SORCS3: variants seen among roughly 807,000 people sequenced by gnomAD.
The protein encoded by SORCS3 is sortilin related VPS10 domain containing receptor 3.
In SORCS3, 57 loss-of-function variants were observed where a neutral mutation model predicts 146.3. The ratio of observed to expected loss-of-function variants is 0.39; its 90% CI spans 0.31 to 0.49. SORCS3 has a LOEUF of 0.49. SORCS3 is among the 20% of genes least tolerant of loss of function. The probability of loss-of-function intolerance (pLI) is 0.92; values close to 1 mark genes in which losing one functional copy is unlikely to be tolerated. For missense variants in SORCS3, 1,341 were observed against 1,575.5 expected, an observed-to-expected ratio of 0.85 and a Z score of 2.52; for synonymous variants, 653 against 618.5, an observed-to-expected ratio of 1.06 and a Z score of -0.83.
At chr10:104,716,717 T>G (rs2016483882) in intron 1 of SORCS3, among the ~76,000 whole-genome samples, 1 of 152,184 alleles carries the variant, frequency 6.6e-6, no homozygotes, top group Non-Finnish European at 1.5e-5. Context: ...ACCTTTAAGA[T>G]CTGGTTGTCT....
chr10:104,960,161 C>G (rs1354405939), intron 3 of SORCS3, among the ~76,000 whole-genome samples: 1 of 152,116 alleles, frequency 6.6e-6, no homozygotes, highest in Non-Finnish European at 1.5e-5. Flanking sequence ...ATGTTGTTAC[C>G]AATGCTGATG....
intron 2 of SORCS3, among the ~76,000 whole-genome samples, chr10:104,870,078 CATT>C (rs1363589711): frequency 5.3e-5 from 8 of 152,264 alleles, no homozygotes; most frequent in Non-Finnish European, 1.2e-4. Flanking sequence ...CTATTGCTGT[CATT>C]ATCATTATTT....
At chr10:104,942,304 A>G (rs1042708670) in intron 3 of SORCS3, among the ~76,000 whole-genome samples, 2 of 152,214 alleles carry the variant, frequency 1.3e-5, no homozygotes, top group African/African-American at 4.8e-5. Flanking sequence ...AGATGAAAGG[A>G]ATCGTAATTA....
intron 1 of SORCS3, among the ~76,000 whole-genome samples, chr10:104,780,968 CAG>C (rs1167527221): frequency 1.3e-5 from 2 of 152,142 alleles, no homozygotes; most frequent in African/African-American, 2.4e-5. Context: ...TCTCTAATAT[CAG>C]AGAGTCATAT....
chr10:104,691,524 C>G (rs2016111819), intron 1 of SORCS3, among the ~76,000 whole-genome samples: 1 of 152,206 alleles, frequency 6.6e-6, no homozygotes, highest in Non-Finnish European at 1.5e-5. Context: ...CCTGTCTTGT[C>G]TGGACCATTT....
chr10:104,664,179 T>G (rs2015738663), intron 1 of SORCS3, among the ~76,000 whole-genome samples: 1 of 152,302 alleles, frequency 6.6e-6, no homozygotes, highest in East Asian at 1.9e-4. Flanking sequence ...TAAGTGCAGC[T>G]TGACTAGGCA....
chr10:104,712,559 T>C (rs1454002674), intron 1 of SORCS3, among the ~76,000 whole-genome samples: 2 of 152,226 alleles, frequency 1.3e-5, no homozygotes, highest in Non-Finnish European at 2.9e-5. Flanking sequence ...ATAGGATTCC[T>C]TTCTTGTCAT....
At chr10:104,775,672 G>A (rs1338160500) in intron 1 of SORCS3, among the ~76,000 whole-genome samples, 1 of 152,174 alleles carries the variant, frequency 6.6e-6, no homozygotes, top group East Asian at 1.9e-4. Flanking sequence ...GTTTGGGGAT[G>A]GCATTTAGAC....
chr10:104,946,234 G>T (rs920683643), intron 3 of SORCS3, among the ~76,000 whole-genome samples: 2 of 151,694 alleles, frequency 1.3e-5, no homozygotes, highest in Non-Finnish European at 2.9e-5. Context: ...GACACCTGTG[G>T]GGGTTGAGAA....
chr10:105,160,631 A>C (rs772641844), intron 11 of SORCS3, among the ~76,000 whole-genome samples: 3 of 152,222 alleles, frequency 2.0e-5, no homozygotes, highest in Admixed American at 2.0e-4. Context: ...TGGCTCAATA[A>C]ATAATAAATA....
intron 4 of SORCS3, among the ~76,000 whole-genome samples, chr10:104,983,874 C>G (rs1393695020): frequency 6.6e-6 from 1 of 152,022 alleles, no homozygotes; most frequent in African/African-American, 2.4e-5. Flanking sequence ...AGGCACCTGG[C>G]CTTTTAAACT....
intron 24 of SORCS3, 85 bp from the exon 25 acceptor site, chr10:105,256,734 T>G: frequency 1.0e-6 from 1 of 985,344 alleles, no homozygotes. Flanking sequence ...ATCAGTGGCC[T>G]CCTTCCTGCA....
At chr10:104,998,959 G>C (rs947164243) in intron 4 of SORCS3, among the ~76,000 whole-genome samples, 7 of 152,068 alleles carry the variant, frequency 4.6e-5, no homozygotes. Context: ...CTTTATCGTG[G>C]AAGTATACAC....
At chr10:105,007,229 C>T (rs1396822313) in intron 4 of SORCS3, among the ~76,000 whole-genome samples, 1 of 152,168 alleles carries the variant, frequency 6.6e-6, no homozygotes, top group African/African-American at 2.4e-5. Context: ...ACTTATTGTG[C>T]AGCCCTGTGT....
At chr10:104,653,940 C>G (rs969322460) in intron 1 of SORCS3, among the ~76,000 whole-genome samples, 7 of 151,990 alleles carry the variant, frequency 4.6e-5, no homozygotes, top group African/African-American at 1.5e-4. Context: ...ATAATCCCCA[C>G]CTCCCCCTCT....
chr10:104,813,360 ATT>A (rs773347182), intron 1 of SORCS3, among the ~76,000 whole-genome samples: 5 of 152,046 alleles, frequency 3.3e-5, no homozygotes, highest in African/African-American at 4.8e-5. Flanking sequence ...TTATATATTT[ATT>A]TTTTTGTTTA....
At chr10:104,657,520 G>A (rs1233167967) in intron 1 of SORCS3, among the ~76,000 whole-genome samples, 5 of 152,072 alleles carry the variant, frequency 3.3e-5, no homozygotes, top group African/African-American at 7.2e-5. Context: ...TGTTTTTTTC[G>A]TGGTTGCCTG....
At chr10:104,818,354 C>CTTCCT (rs1554852884) in intron 1 of SORCS3, among the ~76,000 whole-genome samples, 1 of 78,630 alleles carries the variant, frequency 1.3e-5, no homozygotes, top group Non-Finnish European at 2.8e-5. Context: ...TTTCTTTCTT[C>CTTCCT]TCCTTTCTTC....
chr10:104,921,655 T>C (rs936802545), intron 3 of SORCS3, among the ~76,000 whole-genome samples: 2 of 152,002 alleles, frequency 1.3e-5, no homozygotes, highest in African/African-American at 4.8e-5. Flanking sequence ...GTTTTACTAT[T>C]AATCTCCTGA....
Sources: allele counts gnomAD v4.1 joint callset (sites outside exome capture counted in the v4.1 genomes callset), GRCh38; gene constraint gnomAD v4.1.1; transcripts MANE v1.5; gene names NCBI Gene and HGNC (gene_info 2026-07-23, HGNC 2026-07-21).